LAMTOR4: variants seen among roughly 807,000 people sequenced by gnomAD.
LAMTOR4 encodes the protein late endosomal/lysosomal adaptor, MAPK and MTOR activator 4.
LAMTOR4 carries 11 observed loss-of-function variants against 13.5 expected under a neutral mutation model. The ratio of observed to expected loss-of-function variants is 0.82; its 90% CI spans 0.51 to 1.35. The LOEUF (loss-of-function observed/expected upper bound fraction) is 1.35. LAMTOR4 is among the 40% of genes most tolerant of loss of function. LAMTOR4 has a pLI of 0.00. For missense variants in LAMTOR4, 128 were observed against 126.2 expected (o/e 1.01, Z -0.07); for synonymous variants, 69 against 52.3 (o/e 1.32, Z -1.38).
At chr7:100,149,410 C>T in intron 1 of LAMTOR4, 89 bp from the exon 2 acceptor site, 1 of 898,120 alleles carries the variant, frequency 1.1e-6, no homozygotes, top group Non-Finnish European at 1.9e-6. Context: ...GGGCCATCGT[C>T]AACCCAGAGA....
Position 100,153,381 on chromosome 7 carries a change from C to T in LAMTOR4, c.85-19C>T. On this transcript the variant is annotated intron_variant, in intron 2 of 3. Transcript: ENST00000341942. ...TGTGCCGTAATGCCCGCCCCTCTCC[C>T]TCCTCCGTCTGCATGCAGTCATCTG... is the stretch of plus-strand genomic sequence containing the variant. 1 of 1,564,062 alleles carries T rather than the reference C, an allele frequency of 6.4e-7. No homozygotes were observed.
Position 100,153,955 on chromosome 7 carries a change from T to C in LAMTOR4, c.291T>C (p.Ile97=). 6.3e-7 allele frequency: 1 copy of C among 1,585,622 alleles called. No individual in the cohort carries two copies. Among genetic ancestry groups the C allele is most frequent in the South Asian group, 1.2e-5 (1 of 86,672 alleles). ...GGCAGAACCGAGGTCGGGAGCCCAT[T>C]GATGTCTGAGCCTGCCGGAGGGCGA... ...VKRQNRGREP[I]DV is the part of the protein sequence containing the mutation. Residue 97 remains isoleucine (I), a synonymous_variant, in exon 4 of 4, where the codon ATT becomes ATC. Transcript: ENST00000341942.
chr7:100,150,235 A>G (rs1470966166), intron 2 of LAMTOR4, among the ~76,000 whole-genome samples: 1 of 152,222 alleles, frequency 6.6e-6, no homozygotes, highest in Non-Finnish European at 1.5e-5. Context: ...TATAGTGTTA[A>G]GTCTCCAGAT....
Position 100,149,566 on chromosome 7 carries a change from G to A in LAMTOR4, c.71G>A (p.Gly24Asp). ...CTCGGCTACCTGGTACTGAGTGAAG[G>A]TGCAGTGCTGGCGGTGCGTTCTGGG... ...DQLGYLVLSE[G>D]AVLASSGDLE... The change falls in exon 2 of 4, where the codon GGT becomes GAT. Residue 24 changes from glycine to aspartate, a missense_variant. Coordinates refer to ENST00000341942, the MANE Select transcript of LAMTOR4 (RefSeq NM_001008395.4). 1 of 1,613,844 alleles carries A rather than the reference G, an allele frequency of 6.2e-7. No homozygotes were observed. Among genetic ancestry groups the A allele is most frequent in the Non-Finnish European group, 8.5e-7 (1 of 1,179,796 alleles).
Position 100,153,851 on chromosome 7 carries a change from T to A in LAMTOR4, c.203-16T>A, listed in dbSNP as rs111790008. 6.5e-7 allele frequency: 1 copy of A among 1,539,668 alleles called. No individual in the cohort carries two copies. The highest frequency in any genetic ancestry group is 8.8e-7 in the Non-Finnish European group (1 of 1,132,158). On this transcript the variant is annotated splice_polypyrimidine_tract_variant and intron_variant, in intron 3 of 3. Transcript: ENST00000341942. ...TTCCCTCTCCTGGGGCGGGGGAAGG[T>A]GTGTCTCTCCTCCAGTGGTCTTTGG...
Position 100,148,962 on chromosome 7 carries a change from C to A in LAMTOR4, c.-11C>A. On this transcript the variant is annotated 5_prime_UTR_variant, in exon 1 of 4. Coordinates refer to ENST00000341942, the MANE Select transcript of LAMTOR4 (RefSeq NM_001008395.4). Reference sequence around the variant, plus strand: ...ATCTGGTAGGGAGCTCCCCCAGCACCGAAGACTGCGATGGTGAGTGAGGAC... The same window carrying A: ...ATCTGGTAGGGAGCTCCCCCAGCACAGAAGACTGCGATGGTGAGTGAGGAC... The A allele has an allele frequency of 1.2e-6, 2 of 1,612,132 alleles. No homozygotes were observed. Among genetic ancestry groups the A allele is most frequent in the East Asian group, 2.2e-5 (1 of 44,874 alleles).
intron 1 of LAMTOR4, chr7:100,149,241 C>G: frequency 1.7e-6 from 1 of 600,162 alleles, no homozygotes; most frequent in Non-Finnish European, 2.9e-6. Flanking sequence ...GCCAGTGGGG[C>G]AGCAAAGGCC....
intron 2 of LAMTOR4, among the ~76,000 whole-genome samples, chr7:100,150,818 T>C (rs1798676465): frequency 6.6e-6 from 1 of 151,774 alleles, no homozygotes; most frequent in African/African-American, 2.4e-5. Flanking sequence ...ACCCCGTCTG[T>C]ACTAAAAATA....
chr7:100,153,253 T>A (rs1798763384), intron 2 of LAMTOR4, 147 bp from the exon 3 acceptor site: 8 of 665,700 alleles, frequency 1.2e-5, no homozygotes, highest in Non-Finnish European at 2.1e-5. Flanking sequence ...AGGGGGAGAT[T>A]TCAGGTTGTT....
In LAMTOR4 at chr7:100,149,513, C is replaced by T. The variant is rs373033335; in HGVS notation, c.18C>T (p.Thr6=). MTSAL[T]QGLERIPDQL... ...TTACCCACTAGACTTCTGCGCTGAC[C>T]CAGGGGCTGGAGCGAATCCCAGACC... The change falls in exon 2 of 4, where the codon ACC becomes ACT. Residue 6 remains threonine, a synonymous_variant. Coordinates refer to ENST00000341942, the MANE Select transcript of LAMTOR4 (RefSeq NM_001008395.4). 3.7e-6 allele frequency: 6 copies of T among 1,613,346 alleles called. No homozygotes were observed. Among genetic ancestry groups the T allele is most frequent in the African/African-American group, 1.3e-5 (1 of 74,836 alleles).
At chr7:100,151,320 G>A (rs542499137) in intron 2 of LAMTOR4, among the ~76,000 whole-genome samples, 7 of 151,796 alleles carry the variant, frequency 4.6e-5, no homozygotes, top group Admixed American at 1.3e-4. Flanking sequence ...TGATTTGCCC[G>A]CCTCAGCCTC....
At chr7:100,153,623 C>A in intron 3 of LAMTOR4, 106 bp downstream of exon 3, 1 of 1,024,348 alleles carries the variant, frequency 9.8e-7, no homozygotes, top group Non-Finnish European at 1.5e-6. Flanking sequence ...CCTGGGGTCT[C>A]TGGTCTGGCC....
chr7:100,149,464 G>A lies in LAMTOR4; in HGVS notation c.4-35G>A, dbSNP rs753589407. 29 of 1,458,604 alleles carry A rather than the reference G, an allele frequency of 2.0e-5. No individual in the cohort carries two copies. In the South Asian group the frequency reaches 3.3e-4, roughly 17 times the overall value. The allele number at this position is 1,458,604 out of a possible 1,614,324, so 90.4% of individuals were successfully genotyped here. On this transcript the variant is annotated intron_variant, in intron 1 of 3. Coordinates refer to ENST00000341942, the MANE Select transcript of LAMTOR4 (RefSeq NM_001008395.4). Reference sequence around the variant, plus strand: ...GGGTATCGGGCCGTCCATCCCTCTAGCATGCTTCTCACGACTTGCATCTTT... The same window carrying A: ...GGGTATCGGGCCGTCCATCCCTCTAACATGCTTCTCACGACTTGCATCTTT...
In LAMTOR4 at chr7:100,151,075, T is replaced by G. The variant is rs192791679; in HGVS notation, c.84+1496T>G. On this transcript the variant is annotated intron_variant, in intron 2 of 3. Transcript: ENST00000341942. Reference sequence around the variant, plus strand: ...GAGAGAAGAGTTTTGTTTTTGTTTTTTTTTGTTTTTGTTTTTTGAGACAGA... The same window carrying G: ...GAGAGAAGAGTTTTGTTTTTGTTTTGTTTTGTTTTTGTTTTTTGAGACAGA... Among the ~76,000 whole-genome samples the G allele has an allele frequency of 3.8e-3, 570 of 151,962 alleles. 5 individuals are homozygous for G. Among genetic ancestry groups the G allele is most frequent in the African/African-American group, 0.012 (504 of 41,494 alleles).
At chr7:100,149,092 G>T in intron 1 of LAMTOR4, 117 bp downstream of exon 1, 1 of 1,301,236 alleles carries the variant, frequency 7.7e-7, no homozygotes, top group Non-Finnish European at 1.1e-6. Context: ...ATCCGCTCGG[G>T]GAGGAAGAGG....
intron 2 of LAMTOR4, among the ~76,000 whole-genome samples, chr7:100,151,368 C>T (rs747491840): frequency 6.6e-6 from 1 of 151,246 alleles, no homozygotes; most frequent in Non-Finnish European, 1.5e-5. Context: ...TAAGCCACTG[C>T]ACCCGGCCTG....
intron 2 of LAMTOR4, among the ~76,000 whole-genome samples, chr7:100,150,735 T>C (rs761858952): frequency 2.6e-5 from 4 of 151,758 alleles, no homozygotes; most frequent in Admixed American, 1.3e-4. Context: ...CCTGTAATTC[T>C]AGCACTTTGG....
chr7:100,151,862 A>G (rs1798714276), intron 2 of LAMTOR4, among the ~76,000 whole-genome samples: 1 of 104,554 alleles, frequency 9.6e-6, no homozygotes, highest in African/African-American at 3.5e-5. Context: ...ACGCCCAGCC[A>G]TTAAAAAAAA....
intron 2 of LAMTOR4, among the ~76,000 whole-genome samples, chr7:100,150,711 C>T (rs966440776): frequency 1.3e-5 from 2 of 151,396 alleles, no homozygotes; most frequent in African/African-American, 4.9e-5. Flanking sequence ...CTGGGCTGGG[C>T]GTGGTGGTTC....
Sources: gnomAD v4.1 joint callset for allele counts (sites outside exome capture counted in the v4.1 genomes callset) on GRCh38, gnomAD v4.1.1 for gene constraint, MANE v1.5 for transcripts, NCBI Gene and HGNC (gene_info 2026-07-23, HGNC 2026-07-21) for gene names.